The following CTNNA3 variants were observed in gnomAD, a reference collection of about 807,000 sequenced individuals.
The protein encoded by CTNNA3 is catenin alpha 3, also known as catenin alpha-3.
A neutral mutation model predicts 95.7 loss-of-function variants in CTNNA3; 76 were observed. The ratio of observed to expected loss-of-function variants is 0.79; its 90% confidence interval spans 0.66 to 0.96. The LOEUF is 0.96. Among genes scored for constraint, CTNNA3 ranks in the 40% least tolerant of loss-of-function variants. CTNNA3 has a pLI of 0.00. For missense variants in CTNNA3, 1,191 were observed against 1,089.8 expected (o/e 1.09, Z -1.31); for synonymous variants, 431 against 374.4 (o/e 1.15, Z -1.74).
chr10:66,619,381 A>C (rs1431620301), intron 10 of CTNNA3, among the ~76,000 whole-genome samples: 5 of 141,958 alleles, frequency 3.5e-5, no homozygotes, highest in African/African-American at 1.2e-4. Flanking sequence ...CTATGCAGCC[A>C]TAAAAAATGA....
intron 5 of CTNNA3, among the ~76,000 whole-genome samples, chr10:67,408,038 GTGAAGGACCTC>G (rs1323266885): frequency 1.8e-4 from 28 of 152,260 alleles, no homozygotes; most frequent in African/African-American, 6.7e-4. Context: ...TAACACGGAA[GTGAAGGACCTC>G]TTCAAGGAGA....
intron 1 of CTNNA3, chr10:67,750,653 G>A (rs577306920): frequency 4.7e-5 from 73 of 1,545,710 alleles, no homozygotes; most frequent in African/African-American, 2.9e-4. Context: ...GATTTTTTCC[G>A]CAAAGATGAT....
chr10:67,370,755 A>G (rs1332625055), intron 5 of CTNNA3, among the ~76,000 whole-genome samples: 1 of 152,188 alleles, frequency 6.6e-6, no homozygotes. Flanking sequence ...TTGTGTGTAT[A>G]TGTACATATA....
chr10:66,100,245 G>A (rs1474369207), intron 14 of CTNNA3, among the ~76,000 whole-genome samples: 1 of 152,080 alleles, frequency 6.6e-6, no homozygotes, highest in South Asian at 2.1e-4. Flanking sequence ...TTTCCAAATT[G>A]TCCATCTTAG....
At chr10:67,064,210 A>G (rs1855930853) in intron 7 of CTNNA3, among the ~76,000 whole-genome samples, 2 of 152,164 alleles carry the variant, frequency 1.3e-5, no homozygotes, top group South Asian at 4.1e-4. Context: ...TTAAAATTCC[A>G]CATATTTCAA....
intron 1 of CTNNA3, among the ~76,000 whole-genome samples, chr10:67,743,678 AG>A (rs1481036683): frequency 3.3e-5 from 5 of 151,364 alleles, no homozygotes; most frequent in South Asian, 4.3e-4. Context: ...AAAGAAATAA[AG>A]GGTATTCAAT....
intron 13 of CTNNA3, among the ~76,000 whole-genome samples, chr10:66,173,354 A>C (rs149102707): frequency 5.8e-4 from 88 of 152,284 alleles, no homozygotes; most frequent in African/African-American, 2.0e-3. Flanking sequence ...GATGTCTAGC[A>C]ATATCGAATG....
At chr10:67,167,441 C>G (rs1861821796) in intron 7 of CTNNA3, among the ~76,000 whole-genome samples, 2 of 152,140 alleles carry the variant, frequency 1.3e-5, no homozygotes, top group South Asian at 2.1e-4. Flanking sequence ...CCAAAACAAT[C>G]AGGTGAAAGC....
intron 10 of CTNNA3, among the ~76,000 whole-genome samples, chr10:66,568,218 T>A (rs900380429): frequency 2.6e-5 from 4 of 152,140 alleles, no homozygotes; most frequent in African/African-American, 9.7e-5. Context: ...AAAAATCATC[T>A]ATTATAGCCA....
intron 10 of CTNNA3, among the ~76,000 whole-genome samples, chr10:66,523,814 A>G (rs1307487441): frequency 1.3e-5 from 2 of 152,104 alleles, no homozygotes; most frequent in African/African-American, 4.8e-5. Flanking sequence ...CCTTAATGCA[A>G]ACACATTTCT....
intron 7 of CTNNA3, among the ~76,000 whole-genome samples, chr10:67,046,041 A>T (rs1192203005): frequency 6.6e-6 from 1 of 152,194 alleles, no homozygotes; most frequent in African/African-American, 2.4e-5. Context: ...AGTGAAAAAG[A>T]AATACAACAA....
chr10:65,987,724 C>T (rs1409714085), intron 16 of CTNNA3, among the ~76,000 whole-genome samples: 1 of 152,060 alleles, frequency 6.6e-6, no homozygotes, highest in Non-Finnish European at 1.5e-5. Context: ...AAAGAGATAG[C>T]TGCACTCCTA....
chr10:67,130,559 C>G lies in CTNNA3; in HGVS notation c.1047+49758G>C, dbSNP rs557004721. Among the ~76,000 whole-genome samples the G allele has an allele frequency of 2.6e-5, 4 of 152,190 alleles. No individual in the cohort carries two copies. In the South Asian group the frequency reaches 6.2e-4, roughly 24 times the overall value. On this transcript the variant is annotated intron_variant, in intron 7 of 17. Transcript: ENST00000433211. ...TAAACCTTCTGAAATGGACCTGTGA[C>G]AGATAAGAGTGTAAATCTGAAGAAA... is the stretch of plus-strand genomic sequence containing the variant.
At chr10:67,401,861 A>C (rs1838419081) in intron 5 of CTNNA3, among the ~76,000 whole-genome samples, 1 of 152,208 alleles carries the variant, frequency 6.6e-6, no homozygotes, top group Admixed American at 6.5e-5. Context: ...CCCTTGCAAA[A>C]CCAAGAGTAA....
chr10:67,387,538 C>G (rs1028708660), intron 5 of CTNNA3, among the ~76,000 whole-genome samples: 1 of 152,196 alleles, frequency 6.6e-6, no homozygotes, highest in East Asian at 1.9e-4. Flanking sequence ...CCGGGAAGCT[C>G]GAACTGGGTG....
At chr10:66,253,548 G>T (rs942157762) in intron 13 of CTNNA3, among the ~76,000 whole-genome samples, 5 of 152,164 alleles carry the variant, frequency 3.3e-5, no homozygotes, top group African/African-American at 4.8e-5. Flanking sequence ...TCATTGAAAT[G>T]GTAGAAGAGT....
intron 17 of CTNNA3, among the ~76,000 whole-genome samples, chr10:65,953,184 T>C: frequency 6.6e-6 from 1 of 152,218 alleles, no homozygotes. Flanking sequence ...ATAGGAATAC[T>C]AGGTGAACAG....
At chr10:67,750,366 T>C (rs1388070939) in intron 1 of CTNNA3, 19 of 1,502,280 alleles carry the variant, frequency 1.3e-5, no homozygotes, top group Non-Finnish European at 1.7e-5. Flanking sequence ...CTCGGCAAAG[T>C]GAAAGAAGTG....
At chr10:67,591,415 A>G (rs1842784543) in intron 3 of CTNNA3, among the ~76,000 whole-genome samples, 1 of 152,164 alleles carries the variant, frequency 6.6e-6, no homozygotes, top group Non-Finnish European at 1.5e-5. Context: ...CATATTACAC[A>G]AATTAGATAT....
Sources: allele counts gnomAD v4.1 joint callset (sites outside exome capture counted in the v4.1 genomes callset), GRCh38; gene constraint gnomAD v4.1.1; transcripts MANE v1.5; gene names NCBI Gene and HGNC (gene_info 2026-07-23, HGNC 2026-07-21).